The following PARP8 variants were observed in gnomAD, a reference collection of about 807,000 sequenced individuals.
PARP8 encodes the protein poly(ADP-ribose) polymerase family member 8, also known as protein mono-ADP-ribosyltransferase PARP8.
Under a neutral mutation model 124.1 loss-of-function variants are expected in PARP8, and 51 were observed. That is an observed-to-expected ratio of 0.41 (90% CI 0.33 to 0.52). The LOEUF (loss-of-function observed/expected upper bound fraction) is 0.52, where lower values mean the gene tolerates loss of function less well. PARP8 is among the 20% of genes least tolerant of loss of function. The probability of loss-of-function intolerance (pLI) is 0.21; values close to 1 mark genes in which losing one functional copy is unlikely to be tolerated. For synonymous variants in PARP8, 391 were observed against 361.5 expected (o/e 1.08, Z -0.93); for missense variants, 860 against 1,018.9 (o/e 0.84, Z 2.12).
chr5:50,781,981 T>G (rs1189832152), intron 9 of PARP8, among the ~76,000 whole-genome samples: 2 of 152,178 alleles, frequency 1.3e-5, no homozygotes, highest in Admixed American at 6.5e-5. Context: ...TTGTCTGCAC[T>G]CAGGGTCTGC....
intron 14 of PARP8, among the ~76,000 whole-genome samples, chr5:50,807,813 C>T (rs1385331609): frequency 6.6e-6 from 1 of 152,064 alleles, no homozygotes; most frequent in Non-Finnish European, 1.5e-5. Context: ...CCCACATCAA[C>T]ATGTGATATG....
chr5:50,726,975 AC>A (rs1393082709), intron 2 of PARP8, among the ~76,000 whole-genome samples: 1 of 152,132 alleles, frequency 6.6e-6, no homozygotes, highest in African/African-American at 2.4e-5. Context: ...TCATTTGAGG[AC>A]TAGGCCATCT....
At chr5:50,778,028 A>T in intron 7 of PARP8, 41 bp from the exon 8 acceptor site, 1 of 1,447,270 alleles carries the variant, frequency 6.9e-7, no homozygotes, top group Non-Finnish European at 9.6e-7. Flanking sequence ...TCTTTTAAGC[A>T]TCATTAAAAT....
At chr5:50,682,121 C>A (rs1751361278) in intron 2 of PARP8, among the ~76,000 whole-genome samples, 1 of 152,066 alleles carries the variant, frequency 6.6e-6, no homozygotes, top group Non-Finnish European at 1.5e-5. Context: ...GACCATTTGT[C>A]ATATTGGCAG....
chr5:50,738,827 G>T (rs1406570068), intron 2 of PARP8, among the ~76,000 whole-genome samples: 1 of 152,134 alleles, frequency 6.6e-6, no homozygotes, highest in Non-Finnish European at 1.5e-5. Flanking sequence ...GTGGGCCACG[G>T]CTTGGACGAG....
At chr5:50,827,344 T>G (rs976750471) in intron 19 of PARP8, among the ~76,000 whole-genome samples, 1 of 152,142 alleles carries the variant, frequency 6.6e-6, no homozygotes, top group African/African-American at 2.4e-5. Flanking sequence ...ATTATATTCC[T>G]GCATAACTAT....
intron 9 of PARP8, among the ~76,000 whole-genome samples, chr5:50,787,682 A>G (rs1741417757): frequency 6.6e-6 from 1 of 152,048 alleles, no homozygotes; most frequent in African/African-American, 2.4e-5. Context: ...TGAGTGCAAG[A>G]GATACTCTTT....
At chr5:50,668,837 T>C (rs1423986679) in intron 2 of PARP8, 3 of 152,272 alleles carry the variant, frequency 2.0e-5, no homozygotes, top group African/African-American at 7.2e-5. Context: ...TTTCTTCCTT[T>C]TAGCCCTTTA....
intron 14 of PARP8, among the ~76,000 whole-genome samples, chr5:50,812,521 A>C (rs284664): frequency 6.6e-6 from 1 of 152,054 alleles, no homozygotes; most frequent in East Asian, 1.9e-4. Flanking sequence ...AGATTGCAAA[A>C]ATTTTCTCCC....
At chr5:50,835,831 T>C (rs1174644454) in intron 25 of PARP8, among the ~76,000 whole-genome samples, 5 of 152,150 alleles carry the variant, frequency 3.3e-5, no homozygotes, top group Admixed American at 6.5e-5. Flanking sequence ...TTATTTTTCA[T>C]TCCTAAATAA....
chr5:50,786,491 A>G (rs1741259219), intron 9 of PARP8, among the ~76,000 whole-genome samples: 1 of 151,460 alleles, frequency 6.6e-6, no homozygotes, highest in Non-Finnish European at 1.5e-5. Context: ...CAGCCTCCTA[A>G]GTAGCTGGGA....
At chr5:50,801,088 T>G (rs1372158248) in intron 14 of PARP8, among the ~76,000 whole-genome samples, 1 of 151,950 alleles carries the variant, frequency 6.6e-6, no homozygotes, top group Non-Finnish European at 1.5e-5. Context: ...TTCAATTTCT[T>G]TATTAGTTAT....
In PARP8 at chr5:50,667,035, C is replaced by A; in HGVS notation, c.-61C>A. 1.3e-6 allele frequency: 2 copies of A among 1,593,000 alleles called. No individual in the cohort carries two copies. The highest frequency in any genetic ancestry group is 1.7e-6 in the Non-Finnish European group (2 of 1,177,948). ...ACTGAATATTTACGAAAGCTGGAAGCGTGCGAGGGGGGTGGGGTGGGGTGG... is the reference window on the plus strand; with the variant it reads ...ACTGAATATTTACGAAAGCTGGAAGAGTGCGAGGGGGGTGGGGTGGGGTGG... On this transcript the variant is annotated 5_prime_UTR_variant, in exon 1 of 26. Transcript: ENST00000281631.
chr5:50,787,562 A>G (rs1469778227), intron 9 of PARP8, among the ~76,000 whole-genome samples: 2 of 151,690 alleles, frequency 1.3e-5, no homozygotes, highest in African/African-American at 4.8e-5. Context: ...CATTGTATCT[A>G]TTTTTCTATC....
chr5:50,722,949 G>C (rs1756048646), intron 2 of PARP8, among the ~76,000 whole-genome samples: 1 of 152,108 alleles, frequency 6.6e-6, no homozygotes, highest in Non-Finnish European at 1.5e-5. Context: ...TTACTGGAAT[G>C]ATCTGTAATG....
rs1288684486 is a variant in PARP8, at chr5:50,800,865, TC to T, written c.1575+3635del. On this transcript the variant is annotated intron_variant, in intron 14 of 25. Coordinates refer to ENST00000281631, the MANE Select transcript of PARP8 (RefSeq NM_024615.4). ...TCAACCTTCTGGGCTTAAGTGATCCTCCCACCTCAGCCTCCTGAGTAGCTGG... is the reference window on the plus strand; with the variant it reads ...TCAACCTTCTGGGCTTAAGTGATCCTCCACCTCAGCCTCCTGAGTAGCTGG... Among the ~76,000 whole-genome samples, 3 of 151,344 alleles carry T rather than the reference TC, an allele frequency of 2.0e-5. No homozygotes were observed. In the East Asian group the frequency reaches 5.9e-4, roughly 30 times the overall value.
At chr5:50,759,785 T>C (rs1760359492) in intron 4 of PARP8, 53 bp downstream of exon 4, 1 of 1,499,506 alleles carries the variant, frequency 6.7e-7, no homozygotes, top group Non-Finnish European at 8.9e-7. Context: ...TTGCATTATC[T>C]TTTTTTGTTT....
At chr5:50,678,807 C>A (rs1278430280) in intron 2 of PARP8, among the ~76,000 whole-genome samples, 2 of 152,100 alleles carry the variant, frequency 1.3e-5, no homozygotes, top group Non-Finnish European at 2.9e-5. Context: ...GCTGAGTTAA[C>A]CCTTTCCTAT....
At chr5:50,782,338 T>G (rs1315759349) in intron 9 of PARP8, among the ~76,000 whole-genome samples, 2 of 152,186 alleles carry the variant, frequency 1.3e-5, no homozygotes, top group African/African-American at 4.8e-5. Context: ...TGGTTATGAT[T>G]GTGTTTGTGC....
Sources: gnomAD v4.1 joint callset for allele counts (sites outside exome capture counted in the v4.1 genomes callset) on GRCh38, gnomAD v4.1.1 for gene constraint, MANE v1.5 for transcripts, NCBI Gene and HGNC (gene_info 2026-07-23, HGNC 2026-07-21) for gene names.